The following TMEM38B variants were observed in gnomAD, a reference collection of about 807,000 sequenced individuals.
The protein encoded by TMEM38B is transmembrane protein 38B.
A neutral mutation model predicts 28.7 loss-of-function variants in TMEM38B; 24 were observed. The ratio of observed to expected loss-of-function variants is 0.84; its 90% CI spans 0.61 to 1.18. TMEM38B has a LOEUF of 1.18. Ranked by LOEUF, TMEM38B falls within the 50% of genes most tolerant of loss-of-function variation. TMEM38B has a pLI of 0.00. For missense variants in TMEM38B, 380 were observed against 350.9 expected (o/e 1.08, Z -0.66); for synonymous variants, 131 against 127.7 (o/e 1.03, Z -0.17).
intron 2 of TMEM38B, among the ~76,000 whole-genome samples, chr9:105,709,289 C>G (rs1835805676): frequency 1.3e-5 from 2 of 151,938 alleles, no homozygotes; most frequent in African/African-American, 4.8e-5. Context: ...AGTCACTGCA[C>G]AATAAATCAG....
At chr9:105,695,804 T>C (rs1353244184) in intron 1 of TMEM38B, among the ~76,000 whole-genome samples, 1 of 152,238 alleles carries the variant, frequency 6.6e-6, no homozygotes, top group Non-Finnish European at 1.5e-5. Flanking sequence ...TCATTTATGT[T>C]GAAGTTTGTA....
At chr9:105,736,388 C>A (rs562527141) in intron 4 of TMEM38B, among the ~76,000 whole-genome samples, 3 of 152,030 alleles carry the variant, frequency 2.0e-5, no homozygotes, top group East Asian at 3.9e-4. Context: ...TCTGCTATTG[C>A]AGCTCTATTT....
Position 105,774,189 on chromosome 9 carries a change from A to C in TMEM38B, c.*109A>C. The C allele has an allele frequency of 1.2e-6, 1 of 862,770 alleles. No individual in the cohort carries two copies. The highest frequency in any genetic ancestry group is 1.8e-5 in the South Asian group (1 of 55,236). The allele number at this position is 862,770 out of a possible 1,614,324, so 53.4% of individuals were successfully genotyped here. ...GTGAAATGAAGACTATATATATGGA[A>C]TGGAGGTGACAGAAAGAAAGAAATT... On this transcript the variant is annotated 3_prime_UTR_variant, in exon 6 of 6. Coordinates refer to ENST00000374692, the MANE Select transcript of TMEM38B (RefSeq NM_018112.3).
chr9:105,732,080 T>C (rs1385398767), intron 4 of TMEM38B, among the ~76,000 whole-genome samples: 1 of 152,240 alleles, frequency 6.6e-6, no homozygotes, highest in Admixed American at 6.5e-5. Context: ...TTTTTTCATA[T>C]GTCTGTTGGC....
At chr9:105,747,809 T>G (rs1430563717) in intron 4 of TMEM38B, among the ~76,000 whole-genome samples, 1 of 152,206 alleles carries the variant, frequency 6.6e-6, no homozygotes, top group East Asian at 1.9e-4. Context: ...AGAACATCTT[T>G]ATTTCTGCCT....
chr9:105,702,524 A>G (rs1361431123), intron 1 of TMEM38B, among the ~76,000 whole-genome samples: 1 of 152,202 alleles, frequency 6.6e-6, no homozygotes, highest in Non-Finnish European at 1.5e-5. Flanking sequence ...AACTTTTGTT[A>G]TAACTGTAAG....
intron 1 of TMEM38B, among the ~76,000 whole-genome samples, chr9:105,705,289 A>G (rs540967051): frequency 7.2e-5 from 11 of 152,206 alleles, no homozygotes; most frequent in Admixed American, 1.3e-4. Context: ...TTGGGATGGA[A>G]GGAGACAATA....
intron 5 of TMEM38B, chr9:105,760,743 T>C: frequency 8.5e-7 from 1 of 1,171,986 alleles, no homozygotes; most frequent in Non-Finnish European, 1.2e-6. Context: ...AGTTTTGTAG[T>C]CTAAGATACT....
At chr9:105,716,660 T>G (rs368633386) in intron 2 of TMEM38B, among the ~76,000 whole-genome samples, 27,371 of 151,812 alleles carry the variant, frequency 0.18, 3,522 homozygotes, top group East Asian at 0.46. Context: ...CAGATTTTCT[T>G]CTGCCTCTGC....
Position 105,776,068 on chromosome 9 carries a change from C to T in TMEM38B, c.*1988C>T, listed in dbSNP as rs1212779772. On this transcript the variant is annotated 3_prime_UTR_variant, in exon 6 of 6. Transcript: ENST00000374692. ...ATTCAGGTCACCTGTAGAGTCTTGA[C>T]TTGGATTTGCAAAGCAGATTGTTAG... 6.6e-6 allele frequency: 1 copy of T among 152,090 alleles called. No homozygotes were observed. Among genetic ancestry groups the T allele is most frequent in the Non-Finnish European group, 1.5e-5 (1 of 68,030 alleles). 9.4% of individuals were successfully genotyped at this position (152,090 alleles called of 1,614,324 possible).
intron 5 of TMEM38B, among the ~76,000 whole-genome samples, chr9:105,765,842 C>A (rs1826353707): frequency 1.3e-5 from 2 of 152,040 alleles, no homozygotes; most frequent in South Asian, 4.2e-4. Context: ...TGCTCTGTCA[C>A]CCAGGCTGGA....
intron 5 of TMEM38B, among the ~76,000 whole-genome samples, chr9:105,765,737 A>G (rs943216911): frequency 6.6e-5 from 10 of 152,198 alleles, no homozygotes; most frequent in African/African-American, 2.2e-4. Flanking sequence ...TAAGGTTGTT[A>G]TAAATAAAGC....
chr9:105,740,260 GT>G (rs35669330), intron 4 of TMEM38B, among the ~76,000 whole-genome samples: 73,352 of 111,308 alleles, frequency 0.66, 23,796 homozygotes, highest in Middle Eastern at 0.78. Flanking sequence ...ATTCCTAGGT[GT>G]TTTTTTTTTT....
chr9:105,744,031 G>A (rs34860162), intron 4 of TMEM38B, among the ~76,000 whole-genome samples: 2 of 151,910 alleles, frequency 1.3e-5, no homozygotes, highest in Non-Finnish European at 2.9e-5. Flanking sequence ...GTATAACTCA[G>A]CATTTTCTTT....
intron 3 of TMEM38B, 85 bp from the exon 4 acceptor site, chr9:105,722,449 T>C: frequency 9.4e-7 from 1 of 1,062,296 alleles, no homozygotes; most frequent in Non-Finnish European, 1.5e-6. Flanking sequence ...GAATGTATTA[T>C]CAGGTGATAG....
intron 5 of TMEM38B, among the ~76,000 whole-genome samples, chr9:105,751,417 T>G (rs1391488607): frequency 3.9e-5 from 6 of 152,128 alleles, no homozygotes; most frequent in Non-Finnish European, 8.8e-5. Context: ...GCCACCAGGG[T>G]CTTGGGTCCA....
At chr9:105,723,408 ATT>A (rs33912236) in intron 4 of TMEM38B, among the ~76,000 whole-genome samples, 29,831 of 140,138 alleles carry the variant, frequency 0.21, 4,402 homozygotes, top group East Asian at 0.47. Context: ...TTGTAATTGT[ATT>A]TTTTTTTTTT....
At chr9:105,738,582 T>G (rs1369889107) in intron 4 of TMEM38B, among the ~76,000 whole-genome samples, 2 of 152,148 alleles carry the variant, frequency 1.3e-5, no homozygotes, top group African/African-American at 4.8e-5. Context: ...TTCTTGTTTC[T>G]TATGCTTTTG....
At chr9:105,754,633 TAA>T (rs577278146) in intron 5 of TMEM38B, among the ~76,000 whole-genome samples, 192 of 152,242 alleles carry the variant, frequency 1.3e-3, no homozygotes, top group African/African-American at 4.5e-3. Context: ...AAGGCAGTGT[TAA>T]GAGGGAAATT....
Sources: gnomAD v4.1 joint callset for allele counts (sites outside exome capture counted in the v4.1 genomes callset) on GRCh38, gnomAD v4.1.1 for gene constraint, MANE v1.5 for transcripts, NCBI Gene and HGNC (gene_info 2026-07-23, HGNC 2026-07-21) for gene names.